Variants in CA13 observed in about 807,000 individuals in gnomAD.
The protein encoded by CA13 is CA-XIII.
CA13 carries 21 observed loss-of-function variants against 31.5 expected under a neutral mutation model. The ratio of observed to expected loss-of-function variants is 0.67; its 90% confidence interval spans 0.47 to 0.96. The LOEUF (loss-of-function observed/expected upper bound fraction) is 0.96, where lower values mean the gene tolerates loss of function less well. CA13 is among the 40% of genes least tolerant of loss of function. The pLI, the probability that CA13 is intolerant of heterozygous loss-of-function variation, is 0.00. For missense variants in CA13, 315 were observed against 318.9 expected, an observed-to-expected ratio of 0.99 and a Z score of 0.09; for synonymous variants, 117 against 111.4, an observed-to-expected ratio of 1.05 and a Z score of -0.32.
chr8:85,274,007 C>T (rs1807565012), intron 6 of CA13, among the ~76,000 whole-genome samples: 1 of 151,928 alleles, frequency 6.6e-6, no homozygotes, highest in Non-Finnish European at 1.5e-5. Context: ...TCTCGGTCTT[C>T]AGGGGGTATG....
chr8:85,277,644 A>G (rs984899504), intron 6 of CA13, among the ~76,000 whole-genome samples: 1 of 152,122 alleles, frequency 6.6e-6, no homozygotes, highest in Non-Finnish European at 1.5e-5. Flanking sequence ...ATCACTTCGA[A>G]CCCTGAGAGC....
chr8:85,270,085 T>A lies in CA13; in HGVS notation c.669+1458T>A, dbSNP rs760391449. Among the ~76,000 whole-genome samples the A allele has an allele frequency of 2.0e-4, 30 of 152,344 alleles. 2 individuals carry two copies. The highest frequency in any genetic ancestry group is 6.8e-3 in the Middle Eastern group (2 of 294). ...AGGTGTGAACCATGGGGCTGGCCAA[T>A]CTGATGGGTGGATGCTGTGTGTTCT... On this transcript the variant is annotated intron_variant, in intron 6 of 6. Coordinates refer to ENST00000321764, the MANE Select transcript of CA13 (RefSeq NM_198584.3).
chr8:85,266,462 CAA>C (rs1807458704), intron 3 of CA13, 144 bp from the exon 4 acceptor site: 2 of 616,940 alleles, frequency 3.2e-6, no homozygotes, highest in Non-Finnish European at 2.8e-6. Flanking sequence ...CAAAAATAAA[CAA>C]GAGGATTCTG....
Position 85,245,585 on chromosome 8 carries a change from C to G in CA13, c.-244C>G, listed in dbSNP as rs550328764. On this transcript the variant is annotated 5_prime_UTR_variant, in exon 1 of 7. Coordinates refer to ENST00000321764, the MANE Select transcript of CA13 (RefSeq NM_198584.3). The stretch of plus-strand genomic sequence containing the variant: ...CCCTCTAACTCAAATCTCTCATTCC[C>G]GAGTCCAAACTAAGAGAGACTCGCG... 1.8e-3 allele frequency: 999 copies of G among 540,210 alleles called. 2 individuals carry two copies. Among genetic ancestry groups the G allele is most frequent in the Non-Finnish European group, 2.7e-3 (837 of 305,820 alleles). The allele number at this position is 540,210 out of a possible 1,614,324, so 33.5% of individuals were successfully genotyped here. A position where few individuals can be genotyped will look rare whatever the true frequency, so the allele number is the denominator to read the frequency against.
intron 6 of CA13, among the ~76,000 whole-genome samples, chr8:85,278,536 G>A (rs1057083548): frequency 4.6e-5 from 7 of 152,154 alleles, no homozygotes; most frequent in African/African-American, 1.7e-4. Context: ...CTACCAAAAT[G>A]TTAGAAATGT....
intron 2 of CA13, among the ~76,000 whole-genome samples, chr8:85,258,983 C>T (rs1807340793): frequency 6.6e-6 from 1 of 151,880 alleles, no homozygotes; most frequent in African/African-American, 2.4e-5. Flanking sequence ...TAGGAAAAGA[C>T]AGCATGAGTG....
At chr8:85,277,233 C>A (rs1807625396) in intron 6 of CA13, among the ~76,000 whole-genome samples, 2 of 152,180 alleles carry the variant, frequency 1.3e-5, no homozygotes, top group Non-Finnish European at 2.9e-5. Flanking sequence ...TGGGTCCACA[C>A]TGCGTTTATG....
chr8:85,254,237 C>A (rs1217024935), intron 2 of CA13, among the ~76,000 whole-genome samples: 1 of 148,556 alleles, frequency 6.7e-6, no homozygotes, highest in Non-Finnish European at 1.5e-5. Flanking sequence ...AAGATCATGC[C>A]ACTGCACTCC....
At chr8:85,273,817 C>T (rs1424200187) in intron 6 of CA13, among the ~76,000 whole-genome samples, 1 of 152,052 alleles carries the variant, frequency 6.6e-6, no homozygotes, top group Non-Finnish European at 1.5e-5. Context: ...CGCCGACAGA[C>T]AACACGAGGT....
rs763526749 is a variant in CA13 at position 85,268,469 on chromosome 8, C to T, written c.514-3C>T. 6.2e-7 allele frequency: 1 copy of T among 1,613,846 alleles called. No individual in the cohort carries two copies. Among genetic ancestry groups the T allele is most frequent in the South Asian group, 1.1e-5 (1 of 91,046 alleles). On this transcript the variant is annotated splice_polypyrimidine_tract_variant and splice_region_variant and intron_variant, in intron 5 of 6. Coordinates refer to ENST00000321764, the MANE Select transcript of CA13 (RefSeq NM_198584.3). Reference sequence around the variant, plus strand: ...TTTGTGGGAATTCTTTTTGATCCTCCAGGGTAAACAAACTCGATTCACAAA... The same window carrying T: ...TTTGTGGGAATTCTTTTTGATCCTCTAGGGTAAACAAACTCGATTCACAAA...
At chr8:85,274,647 G>C (rs181632368) in intron 6 of CA13, among the ~76,000 whole-genome samples, 1 of 152,134 alleles carries the variant, frequency 6.6e-6, no homozygotes, top group Non-Finnish European at 1.5e-5. Flanking sequence ...AAAAATTGCC[G>C]CAAGCATTTG....
chr8:85,246,516 C>A (rs774826654), intron 1 of CA13: 4 of 455,906 alleles, frequency 8.8e-6, no homozygotes, highest in Non-Finnish European at 4.4e-6. Context: ...CTCCACTCTT[C>A]TTCTCCACGC....
In CA13 at chr8:85,268,602, A is replaced by G; in HGVS notation, c.644A>G (p.Gln215Arg). The change falls in exon 6 of 7, where the codon CAA becomes CGA. Residue 215 changes from glutamine to arginine, a missense_variant. Transcript: ENST00000321764. ...LESVTWIVLKQPINISSQQLA... is the reference protein window; with the variant it reads ...LESVTWIVLKRPINISSQQLA... Reference sequence around the variant, plus strand: ...AGTGTCACATGGATTGTTTTAAAGCAACCTATAAACATCAGCTCTCAACAG... The same window carrying G: ...AGTGTCACATGGATTGTTTTAAAGCGACCTATAAACATCAGCTCTCAACAG... 1 of 1,613,692 alleles carries G rather than the reference A, an allele frequency of 6.2e-7. No individual in the cohort carries two copies. Among genetic ancestry groups the G allele is most frequent in the South Asian group, 1.1e-5 (1 of 91,044 alleles).
chr8:85,275,137 T>G (rs1046957922), intron 6 of CA13, among the ~76,000 whole-genome samples: 2 of 152,076 alleles, frequency 1.3e-5, no homozygotes, highest in East Asian at 1.9e-4. Context: ...TTGTACAGTA[T>G]CAGGCCTTTT....
At chr8:85,275,683 G>A (rs1432111338) in intron 6 of CA13, among the ~76,000 whole-genome samples, 4 of 152,118 alleles carry the variant, frequency 2.6e-5, no homozygotes, top group African/African-American at 9.7e-5. Context: ...TCCAATTGTG[G>A]TGAAGCAAAG....
In CA13 at chr8:85,282,704, A is replaced by G. The variant is rs1349585545; in HGVS notation, c.*1355A>G. The G allele has an allele frequency of 1.3e-5, 2 of 152,006 alleles. No individual in the cohort carries two copies. The highest frequency in any genetic ancestry group is 2.9e-5 in the Non-Finnish European group (2 of 67,988). The allele number at this position is 152,006 out of a possible 1,614,324, so 9.4% of individuals were successfully genotyped here. A position where few individuals can be genotyped will look rare whatever the true frequency, so the allele number is the denominator to read the frequency against. On this transcript the variant is annotated 3_prime_UTR_variant, in exon 7 of 7. Transcript: ENST00000321764. ...TGGAGCTTGATCTTAATTTTAACCT[A>G]TTATCTTTTATTTTTGTTTGTTTTT... is the stretch of plus-strand genomic sequence containing the variant.
At chr8:85,280,350 A>G (rs1807682937) in intron 6 of CA13, among the ~76,000 whole-genome samples, 1 of 152,200 alleles carries the variant, frequency 6.6e-6, no homozygotes, top group Non-Finnish European at 1.5e-5. Context: ...ATGATGGTTG[A>G]TCCTATTGCC....
intron 6 of CA13, among the ~76,000 whole-genome samples, chr8:85,278,701 G>T (rs1292303023): frequency 6.6e-6 from 1 of 152,280 alleles, no homozygotes; most frequent in Non-Finnish European, 1.5e-5. Flanking sequence ...TTGAAGCTAG[G>T]TCATGGATGC....
chr8:85,262,742 CTT>C (rs1405602000), intron 3 of CA13, among the ~76,000 whole-genome samples: 1 of 152,090 alleles, frequency 6.6e-6, no homozygotes, highest in Non-Finnish European at 1.5e-5. Flanking sequence ...TTGGAGGAAA[CTT>C]TTGGGGAAAG....
Sources: allele counts gnomAD v4.1 joint callset (sites outside exome capture counted in the v4.1 genomes callset), GRCh38; gene constraint gnomAD v4.1.1; transcripts MANE v1.5; gene names NCBI Gene and HGNC (gene_info 2026-07-23, HGNC 2026-07-21).